The following KRT78 variants were observed in gnomAD, a reference collection of about 807,000 sequenced individuals.
The protein encoded by KRT78 is keratin 78.
KRT78 carries 55 observed loss-of-function variants against 51.4 expected under a neutral mutation model. The ratio of observed to expected loss-of-function variants is 1.07; its 90% CI spans 0.86 to 1.34. The LOEUF (loss-of-function observed/expected upper bound fraction) is 1.34. Ranked by LOEUF, KRT78 falls within the 40% of genes most tolerant of loss-of-function variation. The pLI is 0.00. For synonymous variants in KRT78, 291 were observed against 264.3 expected, an observed-to-expected ratio of 1.10 and a Z score of -0.98; for missense variants, 652 against 649.4, an observed-to-expected ratio of 1.00 and a Z score of -0.04.
At chr12:52,845,819 T>G (rs188969602) in intron 4 of KRT78, among the ~76,000 whole-genome samples, 2 of 152,032 alleles carry the variant, frequency 1.3e-5, no homozygotes, top group Non-Finnish European at 2.9e-5. Flanking sequence ...CTGACCGCAG[T>G]GGCGGGTGCC....
At position 52,848,000 on chromosome 12, in the gene KRT78, A is replaced by G; in HGVS notation, c.506T>C (p.Leu169Pro). 6.2e-7 allele frequency: 1 copy of G among 1,614,152 alleles called. No homozygotes were observed. Among genetic ancestry groups the G allele is most frequent in the Non-Finnish European group, 8.5e-7 (1 of 1,180,018 alleles). Residue 169 changes from leucine (L) to proline (P), a missense_variant, in exon 2 of 9, where the codon CTC becomes CCC. By Grantham distance (98) the Leu-to-Pro change is moderately conservative. Transcript: ENST00000304620. ...EPVFEACLDQLRKQLEQLQGE... is the reference protein window; with the variant it reads ...EPVFEACLDQPRKQLEQLQGE... ...CTGGAGCTGCTCCAGCTGCTTCCTGAGCTGATCCAGGCAGGCCTCAAAGAC... is the reference window on the plus strand; with the variant it reads ...CTGGAGCTGCTCCAGCTGCTTCCTGGGCTGATCCAGGCAGGCCTCAAAGAC...
At position 52,839,114 on chromosome 12, in the gene KRT78, C is replaced by T; in HGVS notation, c.1562G>A (p.Ter521=). 1.2e-6 allele frequency: 2 copies of T among 1,612,294 alleles called. No individual in the cohort carries two copies. Among genetic ancestry groups the T allele is most frequent in the South Asian group, 2.2e-5 (2 of 90,746 alleles). The change falls in exon 9 of 9, where the codon TGA becomes TAA. Residue 521 remains the stop codon, a stop_retained_variant. Coordinates refer to ENST00000304620, the MANE Select transcript of KRT78 (RefSeq NM_173352.4). The part of the protein sequence containing the change: ...ESSLKTSITY[*] ...GGAAGGAGGTGGCTGCTGGGTCGCTCAGTAGGTGATGGATGTCTTCAGACT... is the reference window on the plus strand; with the variant it reads ...GGAAGGAGGTGGCTGCTGGGTCGCTTAGTAGGTGATGGATGTCTTCAGACT...
chr12:52,841,150 C>T (rs1940487543), intron 6 of KRT78, among the ~76,000 whole-genome samples: 1 of 152,100 alleles, frequency 6.6e-6, no homozygotes. Context: ...GTCCTGTTGT[C>T]AGAGTACATC....
intron 3 of KRT78, 95 bp downstream of exon 3, chr12:52,846,669 T>C: frequency 2.7e-6 from 3 of 1,118,770 alleles, no homozygotes; most frequent in Non-Finnish European, 4.0e-6. Flanking sequence ...CTGTCCTAAA[T>C]CAGGACCTCC....
intron 1 of KRT78, chr12:52,848,329 G>C: frequency 6.7e-7 from 1 of 1,486,092 alleles, no homozygotes; most frequent in South Asian, 1.2e-5. Context: ...CCTTCCCCCC[G>C]CTGGCTGGCA....
intron 4 of KRT78, chr12:52,845,886 G>A (rs1259844716): frequency 5.7e-5 from 16 of 280,192 alleles, no homozygotes; most frequent in Non-Finnish European, 1.0e-4. Flanking sequence ...CCGGGAGGCA[G>A]AGGTTGCAGT....
At chr12:52,839,542 T>C (rs1017403237) in intron 7 of KRT78, 55 bp from the exon 8 acceptor site, 3 of 1,492,500 alleles carry the variant, frequency 2.0e-6, no homozygotes, top group Non-Finnish European at 2.7e-6. Context: ...AAAGAATGCA[T>C]CCCCACGAGC....
Position 52,846,253 on chromosome 12 carries a change from C to T in KRT78, c.700G>A (p.Gly234Ser), listed in dbSNP as rs762297884. The change falls in exon 4 of 9, where the codon GGC (glycine) becomes AGC (serine). Residue 234 changes from glycine to serine, a missense_variant. Physicochemically the swap from Gly to Ser is moderately conservative, Grantham distance 56. Transcript: ENST00000304620. Reference protein sequence around the residue: ...GVFLSKMELEGKLEALREYLY... With the variant: ...GVFLSKMELESKLEALREYLY... ...TACTCTCTCAGAGCCTCCAGCTTGC[C>T]CTCCAACTCCATCTTGCTCAGGAAA... 5.8e-5 allele frequency: 94 copies of T among 1,613,848 alleles called. No individual in the cohort carries two copies. Among genetic ancestry groups the T allele is most frequent in the Non-Finnish European group, 7.5e-5 (88 of 1,179,908 alleles).
rs985739636 is a variant in KRT78 at position 52,844,209 on chromosome 12, G to C, written c.931C>G (p.Leu311Val). The C allele has an allele frequency of 1.2e-6, 2 of 1,601,534 alleles. No individual in the cohort carries two copies. Among genetic ancestry groups the C allele is most frequent in the African/African-American group, 2.7e-5 (2 of 73,678 alleles). Reference protein sequence around the residue: ...EALYQTKYQELQVSAQLHGDR... With the variant: ...EALYQTKYQEVQVSAQLHGDR... ...CCATGAAGCTGGGCAGACACCTGAA[G>C]TTCCTGGTACTGAGAGGGGAACAGA... Residue 311 changes from leucine (L) to valine (V), a missense_variant, in exon 6 of 9, where the codon CTT becomes GTT. Physicochemically the swap from Leu to Val is conservative, Grantham distance 32. Transcript: ENST00000304620.
chr12:52,838,929 T>C lies in KRT78; in HGVS notation c.*184A>G. On this transcript the variant is annotated 3_prime_UTR_variant, in exon 9 of 9. Transcript: ENST00000304620. ...GGGAGCCACACAGCTTTTGTTTTGC[T>C]GGGTGAGGTGTGCAAGCACTTAGAG... is the stretch of plus-strand genomic sequence containing the variant. 1.5e-6 allele frequency: 1 copy of C among 683,430 alleles called. No individual in the cohort carries two copies. Among genetic ancestry groups the C allele is most frequent in the Non-Finnish European group, 2.4e-6 (1 of 413,490 alleles). The allele number at this position is 683,430 out of a possible 1,614,324, so 42.3% of individuals were successfully genotyped here. A position where few individuals can be genotyped will look rare whatever the true frequency, so the allele number is the denominator to read the frequency against.
Position 52,839,483 on chromosome 12 carries a change from A to T in KRT78, c.1273T>A (p.Ser425Thr), listed in dbSNP as rs1329179469. Residue 425 changes from serine (S) to threonine (T), a missense_variant, in exon 8 of 9, where the codon TCT (serine) becomes ACT (threonine). Transcript: ENST00000304620. ...RLLEGEECRM[S>T]GECTSQVTIS... ...GTGACCTGGCTGGTGCACTCCCCAG[A>T]CATCCTAGGGGGAAAAGGACAAGAG... The T allele has an allele frequency of 6.3e-7, 1 of 1,596,792 alleles. No homozygotes were observed. Among genetic ancestry groups the T allele is most frequent in the Non-Finnish European group, 8.5e-7 (1 of 1,171,930 alleles).
At position 52,847,936 on chromosome 12, in the gene KRT78, G is replaced by T; in HGVS notation, c.570C>A (p.Cys190Ter). ...RGALDAELKA[C>*]RDQEEEYKSK... ...ACTTATACTCCTCCTCCTGGTCCCG[G>T]CAGGCCTTCAACTCAGCATCCAGAG... Residue 190 changes from cysteine to a stop codon, truncating the protein, a stop_gained, in exon 2 of 9, where the codon TGC becomes TGA. Coordinates refer to ENST00000304620, the MANE Select transcript of KRT78 (RefSeq NM_173352.4). LOFTEE classifies it high-confidence loss of function. 6.2e-7 allele frequency: 1 copy of T among 1,614,118 alleles called. No homozygotes were observed. The highest frequency in any genetic ancestry group is 8.5e-7 in the Non-Finnish European group (1 of 1,180,008).
Position 52,842,962 on chromosome 12 carries a change from G to GAGAGAGA in KRT78, c.1047+1130_1047+1131insTCTCTCT, listed in dbSNP as rs1565698736. On this transcript the variant is annotated intron_variant, in intron 6 of 8. Coordinates refer to ENST00000304620, the MANE Select transcript of KRT78 (RefSeq NM_173352.4). ...AAGAGAGAGAGAGAGAGAGAGAGAG[G>GAGAGAGA]AAGGAAGGAAGGAAGGAAGGAAGGA... Among the ~76,000 whole-genome samples, 227 of 25,206 alleles carry GAGAGAGA rather than the reference G, an allele frequency of 9.0e-3. 5 individuals carry two copies. Among genetic ancestry groups the GAGAGAGA allele is most frequent in the African/African-American group, 0.018 (95 of 5,320 alleles). 16.5% of individuals were successfully genotyped at this position (25,206 alleles called of 152,430 possible). A position where few individuals can be genotyped will look rare whatever the true frequency, so the allele number is the denominator to read the frequency against.
chr12:52,845,588 C>T (rs983507954), intron 4 of KRT78, among the ~76,000 whole-genome samples: 3 of 152,142 alleles, frequency 2.0e-5, no homozygotes, highest in South Asian at 2.1e-4. Context: ...TTTTCCATTG[C>T]GTTTATCACC....
chr12:52,844,571 C>A lies in KRT78; in HGVS notation c.909G>T (p.Leu303Phe). 4 of 1,613,370 alleles carry A rather than the reference C, an allele frequency of 2.5e-6. No individual in the cohort carries two copies. The highest frequency in any genetic ancestry group is 3.4e-6 in the Non-Finnish European group (4 of 1,179,556). The change falls in exon 5 of 9, where the codon TTG becomes TTT. Residue 303 changes from leucine to phenylalanine, a missense_variant. Coordinates refer to ENST00000304620, the MANE Select transcript of KRT78 (RefSeq NM_173352.4). ...CAGGTCCCACCACCTTGGTCTGGTA[C>A]AAGGCCTCAGCCTCAGCCTTGCTGC... ...ARSSKAEAEA[L>F]YQTKYQELQV...
At chr12:52,844,413 G>T in intron 5 of KRT78, 146 bp downstream of exon 5, 1 of 1,183,452 alleles carries the variant, frequency 8.4e-7, no homozygotes, top group Non-Finnish European at 1.2e-6. Context: ...CCTCCTGGAG[G>T]GGAAATGGCC....
In KRT78 at chr12:52,846,825, C is replaced by T. The variant is rs1940655578; in HGVS notation, c.600-1G>A. 3 of 1,612,950 alleles carry T rather than the reference C, an allele frequency of 1.9e-6. No individual in the cohort carries two copies. ...ACGCCTGTGGGCCTCCTCCTCATAC[C>T]TGCCAAATAAGTAGAGAAGGATGCA... On this transcript the variant is annotated splice_acceptor_variant, in intron 2 of 8. Transcript: ENST00000304620. LOFTEE classifies it high-confidence loss of function.
intron 4 of KRT78, chr12:52,845,981 T>C: frequency 1.9e-6 from 1 of 534,866 alleles, no homozygotes; most frequent in Non-Finnish European, 3.3e-6. Flanking sequence ...TTTTTTTATC[T>C]GTAGTGATTT....
In KRT78 at chr12:52,839,039, AGT is replaced by A. The variant is rs1186683070; in HGVS notation, c.*72_*73del. 1 of 1,536,840 alleles carries A rather than the reference AGT, an allele frequency of 6.5e-7. No individual in the cohort carries two copies. The highest frequency in any genetic ancestry group is 1.4e-5 in the African/African-American group (1 of 73,798). On this transcript the variant is annotated 3_prime_UTR_variant, in exon 9 of 9. Transcript: ENST00000304620. ...CTTGGGCTGTGGGCAGCGGACACGG[AGT>A]TGGCCTTGCAGAGCCGGCTGATGGG...
Sources: allele counts gnomAD v4.1 joint callset (sites outside exome capture counted in the v4.1 genomes callset), GRCh38; gene constraint gnomAD v4.1.1; transcripts MANE v1.5; gene names NCBI Gene and HGNC (gene_info 2026-07-23, HGNC 2026-07-21).